The following LOXHD1 variants were observed in gnomAD, a reference collection of about 807,000 sequenced individuals.
LOXHD1 encodes the protein lipoxygenase homology domain-containing protein 1.
LOXHD1 carries 205 observed loss-of-function variants against 248.2 expected under a neutral mutation model. The observed-to-expected ratio is 0.83, with a 90% CI of 0.74 to 0.93. The LOEUF (loss-of-function observed/expected upper bound fraction) is 0.93. LOXHD1 is among the 40% of genes least tolerant of loss of function. The pLI, the probability that LOXHD1 is intolerant of heterozygous loss-of-function variation, is 0.00. For missense variants in LOXHD1, 2,930 were observed against 2,971.6 expected (o/e 0.99, Z 0.33); for synonymous variants, 1,113 against 1,162.8 (o/e 0.96, Z 0.87).
intron 19 of LOXHD1, 35 bp downstream of exon 19, chr18:46,560,048 T>TGGCGGGG: frequency 3.3e-6 from 4 of 1,226,292 alleles, no homozygotes; most frequent in Middle Eastern, 2.1e-4. Context: ...GTCTGGCCAC[T>TGGCGGGG]CCCTCCCCAC....
At chr18:46,591,546 TG>T (rs778000685) in intron 12 of LOXHD1, among the ~76,000 whole-genome samples, 38 of 152,362 alleles carry the variant, frequency 2.5e-4, no homozygotes, top group Non-Finnish European at 4.9e-4. Flanking sequence ...AGCAGCCAAC[TG>T]GGGCTACAGG....
rs368029609 is a variant in LOXHD1 at position 46,487,838 on chromosome 18, C to T, written c.6049+1134G>A. Among the ~76,000 whole-genome samples the T allele has an allele frequency of 2.6e-5, 4 of 152,178 alleles. No individual in the cohort carries two copies. The East Asian group carries it at 5.8e-4, about 22-fold the overall frequency. On this transcript the variant is annotated intron_variant, in intron 38 of 40. Coordinates refer to ENST00000642948, the MANE Select transcript of LOXHD1 (RefSeq NM_001384474.1). Reference sequence around the variant, plus strand: ...GGAGCCTCTGGAGACAGCCAAGTCTCGGCTAGAGCCACCCAAGACTTCCAA... The same window carrying T: ...GGAGCCTCTGGAGACAGCCAAGTCTTGGCTAGAGCCACCCAAGACTTCCAA...
chr18:46,542,489 G>T (rs2036605999), intron 24 of LOXHD1, among the ~76,000 whole-genome samples: 1 of 152,150 alleles, frequency 6.6e-6, no homozygotes, highest in South Asian at 2.1e-4. Context: ...CGACACTGGG[G>T]TTGATAAAGG....
At chr18:46,643,699 GC>G (rs1207149681) in intron 2 of LOXHD1, among the ~76,000 whole-genome samples, 1 of 152,104 alleles carries the variant, frequency 6.6e-6, no homozygotes, top group Admixed American at 6.5e-5. Context: ...GAATAAGAGG[GC>G]TTTTCTCTTC....
At chr18:46,606,877 A>T (rs983027230) in intron 6 of LOXHD1, among the ~76,000 whole-genome samples, 12 of 152,180 alleles carry the variant, frequency 7.9e-5, no homozygotes, top group Admixed American at 2.6e-4. Context: ...ATTAAAAATT[A>T]CACTGTAGCC....
chr18:46,655,797 G>T (rs901605867), intron 1 of LOXHD1, among the ~76,000 whole-genome samples: 6 of 152,216 alleles, frequency 3.9e-5, no homozygotes, highest in Non-Finnish European at 8.8e-5. Flanking sequence ...GGAGTTTAGG[G>T]TGACTGTGGC....
intron 3 of LOXHD1, 77 bp from the exon 4 acceptor site, chr18:46,639,877 G>A (rs1167938978): frequency 6.7e-7 from 1 of 1,496,418 alleles, no homozygotes; most frequent in Non-Finnish European, 9.1e-7. Context: ...ATACCCAGAT[G>A]TTTACTCCAA....
intron 35 of LOXHD1, among the ~76,000 whole-genome samples, chr18:46,508,423 T>A (rs1169076218): frequency 6.6e-6 from 1 of 151,954 alleles, no homozygotes; most frequent in South Asian, 2.1e-4. Flanking sequence ...CAGAACGCCA[T>A]GTGAAGACTG....
At chr18:46,566,555 C>CTGGGGACTGG in intron 16 of LOXHD1, 106 bp from the exon 17 acceptor site, 1 of 982,270 alleles carries the variant, frequency 1.0e-6, no homozygotes, top group Non-Finnish European at 1.5e-6. Flanking sequence ...CCCAGGTCTC[C>CTGGGGACTGG]AGTCCCCAGG....
In LOXHD1 at chr18:46,559,658, C is replaced by A. The variant is rs1244273606; in HGVS notation, c.3062-56G>T. 4 of 1,524,308 alleles carry A rather than the reference C, an allele frequency of 2.6e-6. No individual in the cohort carries two copies. The South Asian group carries it at 3.7e-5, about 14-fold the overall frequency. The allele number at this position is 1,524,308 out of a possible 1,614,324, so 94.4% of individuals were successfully genotyped here. ...GCCTCATGGCCATGGGGTGTTTGGACCTGAGGCACAGCCTCTCAGATCCAG... is the reference window on the plus strand; with the variant it reads ...GCCTCATGGCCATGGGGTGTTTGGAACTGAGGCACAGCCTCTCAGATCCAG... On this transcript the variant is annotated intron_variant, in intron 19 of 40. Transcript: ENST00000642948.
intron 24 of LOXHD1, 26 bp from the exon 25 acceptor site, chr18:46,541,966 C>T (rs2036580926): frequency 1.3e-6 from 2 of 1,540,288 alleles, no homozygotes; most frequent in African/African-American, 1.4e-5. Flanking sequence ...ACACAAAACC[C>T]ATCAAGGACC....
intron 14 of LOXHD1, among the ~76,000 whole-genome samples, chr18:46,575,565 G>A (rs1054874492): frequency 6.6e-6 from 1 of 152,200 alleles, no homozygotes; most frequent in African/African-American, 2.4e-5. Context: ...AGAGGAAGAT[G>A]CTGTGAGGAG....
intron 2 of LOXHD1, among the ~76,000 whole-genome samples, chr18:46,644,665 T>C (rs2039005744): frequency 6.6e-6 from 1 of 151,800 alleles, no homozygotes; most frequent in Non-Finnish European, 1.5e-5. Context: ...TTGCAGTGAG[T>C]GAGCCTTGAT....
intron 5 of LOXHD1, among the ~76,000 whole-genome samples, chr18:46,617,492 G>A (rs2038604049): frequency 6.6e-6 from 1 of 150,938 alleles, no homozygotes; most frequent in East Asian, 1.9e-4. Flanking sequence ...TAACACTTTG[G>A]TTTTGAATTC....
chr18:46,615,224 C>T (rs2144321651), intron 5 of LOXHD1, among the ~76,000 whole-genome samples: 1 of 152,288 alleles, frequency 6.6e-6, no homozygotes, highest in South Asian at 2.1e-4. Flanking sequence ...GGACCCCAGC[C>T]CCAGGAAAGA....
chr18:46,489,969 C>T (rs1275757616), intron 37 of LOXHD1, among the ~76,000 whole-genome samples: 1 of 152,172 alleles, frequency 6.6e-6, no homozygotes, highest in African/African-American at 2.4e-5. Flanking sequence ...ACATAGCTGC[C>T]CTTGTTATAA....
chr18:46,655,925 G>T (rs2039175489), intron 1 of LOXHD1, among the ~76,000 whole-genome samples: 1 of 152,236 alleles, frequency 6.6e-6, no homozygotes. Context: ...GAAGAGATGG[G>T]ATCAGAACTG....
chr18:46,509,609 G>C (rs997047457), intron 35 of LOXHD1, 89 bp downstream of exon 35: 2 of 923,254 alleles, frequency 2.2e-6, no homozygotes, highest in Non-Finnish European at 1.7e-6. Flanking sequence ...TGACATTTGT[G>C]CTTTAACAAG....
At chr18:46,519,607 A>T (rs2035462074) in intron 33 of LOXHD1, among the ~76,000 whole-genome samples, 1 of 152,140 alleles carries the variant, frequency 6.6e-6, no homozygotes, top group South Asian at 2.1e-4. Flanking sequence ...AGCCACTGGG[A>T]ACAAAAGTGC....
Sources: allele counts gnomAD v4.1 joint callset (sites outside exome capture counted in the v4.1 genomes callset), GRCh38; gene constraint gnomAD v4.1.1; transcripts MANE v1.5; gene names NCBI Gene and HGNC (gene_info 2026-07-23, HGNC 2026-07-21).